BAIAP2: variants seen among roughly 807,000 people sequenced by gnomAD.
The protein encoded by BAIAP2 is BAR/IMD domain-containing adapter protein 2.
In BAIAP2, 18 loss-of-function variants were observed where a neutral mutation model predicts 63.0. The observed-to-expected ratio is 0.29, with a 90% CI of 0.20 to 0.42. The LOEUF (loss-of-function observed/expected upper bound fraction) is 0.42, where lower values mean the gene tolerates loss of function less well. BAIAP2 is among the 10% of genes least tolerant of loss of function. The probability of loss-of-function intolerance (pLI) is 1.00; values close to 1 mark genes in which losing one functional copy is unlikely to be tolerated. For missense variants in BAIAP2, 610 were observed against 734.3 expected, an observed-to-expected ratio of 0.83 and a Z score of 1.96; for synonymous variants, 386 against 307.6, an observed-to-expected ratio of 1.25 and a Z score of -2.67.
chr17:81,112,969 T>C (rs774598271), intron 13 of BAIAP2, among the ~76,000 whole-genome samples: 1 of 152,138 alleles, frequency 6.6e-6, no homozygotes, highest in Non-Finnish European at 1.5e-5. Flanking sequence ...GGTGGGAGGA[T>C]TGCTTGAGCC....
chr17:81,036,402 G>A (rs1417369661), intron 1 of BAIAP2, among the ~76,000 whole-genome samples: 3 of 152,242 alleles, frequency 2.0e-5, no homozygotes, highest in Admixed American at 6.5e-5. Context: ...ACCCTGCCCG[G>A]CAGAGTAACT....
In BAIAP2 at chr17:81,104,005, C is replaced by G. The variant is rs770418837; in HGVS notation, c.963C>G (p.Pro321=). 3.1e-6 allele frequency: 5 copies of G among 1,613,176 alleles called. No homozygotes were observed. Among genetic ancestry groups the G allele is most frequent in the Admixed American group, 1.7e-5 (1 of 60,026 alleles). The change falls in exon 9 of 14, where the codon CCC becomes CCG. Residue 321 remains proline (P), a synonymous_variant. Coordinates refer to ENST00000428708, the MANE Select transcript of BAIAP2 (RefSeq NM_001144888.2). ...GGGCTGACCGCAAGGCTGCCCAGCC[C>G]AAATCCCTGTCTCCTCCGCAGTCTC... The part of the protein sequence containing the change: ...SPWADRKAAQ[P]KSLSPPQSQS...
chr17:81,041,085 G>C (rs1300049015), intron 1 of BAIAP2, among the ~76,000 whole-genome samples: 2 of 152,348 alleles, frequency 1.3e-5, no homozygotes, highest in East Asian at 3.9e-4. Context: ...ATCTGCCCCT[G>C]GTCTTTTTGA....
At chr17:81,075,623 C>A (rs1055114702) in intron 3 of BAIAP2, among the ~76,000 whole-genome samples, 1 of 152,324 alleles carries the variant, frequency 6.6e-6, no homozygotes, top group Middle Eastern at 3.4e-3. Flanking sequence ...TCCTGAGTGA[C>A]CCTCTCCAAG....
chr17:81,086,872 A>G, intron 6 of BAIAP2: 1 of 315,326 alleles, frequency 3.2e-6, no homozygotes, highest in Admixed American at 4.7e-5. Flanking sequence ...TGTTCTCCCC[A>G]TCCCTGCCCG....
At position 81,116,738 on chromosome 17, in the gene BAIAP2, CTGTTTGTT is replaced by C. The variant is rs370558964; in HGVS notation, c.*908_*915del. ...ATTAGCAGATTTGTGCTCTTCCATA[CTGTTTGTT>C]TGTTTGTTAGGTGAAATACAGTGTG... On this transcript the variant is annotated 3_prime_UTR_variant, in exon 14 of 14. Transcript: ENST00000428708. 4.9e-6 allele frequency: 1 copy of C among 203,710 alleles called. No individual in the cohort carries two copies. The highest frequency in any genetic ancestry group is 2.3e-5 in the African/African-American group (1 of 43,846). The allele number at this position is 203,710 out of a possible 1,614,324, so 12.6% of individuals were successfully genotyped here. A position where few individuals can be genotyped will look rare whatever the true frequency, so the allele number is the denominator to read the frequency against.
At chr17:81,044,591 G>A (rs1411761616) in intron 1 of BAIAP2, among the ~76,000 whole-genome samples, 2 of 152,232 alleles carry the variant, frequency 1.3e-5, no homozygotes, top group Non-Finnish European at 2.9e-5. Flanking sequence ...TGCATCTTGG[G>A]AGGGGACACA....
chr17:81,079,586 T>C (rs1598671128), intron 3 of BAIAP2, among the ~76,000 whole-genome samples: 1 of 151,992 alleles, frequency 6.6e-6, no homozygotes, highest in South Asian at 2.1e-4. Flanking sequence ...CTGCCCAGAG[T>C]TGGCTGACCC....
At chr17:81,063,585 C>T (rs938629244) in intron 3 of BAIAP2, among the ~76,000 whole-genome samples, 13 of 152,308 alleles carry the variant, frequency 8.5e-5, no homozygotes, top group African/African-American at 3.1e-4. Context: ...GTCTCACTCC[C>T]CAGGCCGGGG....
intron 6 of BAIAP2, among the ~76,000 whole-genome samples, chr17:81,089,967 A>T (rs2056430658): frequency 6.6e-6 from 1 of 151,992 alleles, no homozygotes. Flanking sequence ...CCCTCCTGGG[A>T]GATGTGTGGT....
At chr17:81,071,854 G>T (rs1463429630) in intron 3 of BAIAP2, among the ~76,000 whole-genome samples, 1 of 152,264 alleles carries the variant, frequency 6.6e-6, no homozygotes, top group Admixed American at 6.5e-5. Flanking sequence ...GTAGGGCCTT[G>T]TGGGTGGCCG....
At chr17:81,043,413 C>T (rs886086458) in intron 1 of BAIAP2, among the ~76,000 whole-genome samples, 1 of 152,208 alleles carries the variant, frequency 6.6e-6, no homozygotes, top group Non-Finnish European at 1.5e-5. Flanking sequence ...TCCAGGGCCT[C>T]GGTGGCCCCA....
intron 9 of BAIAP2, 131 bp downstream of exon 9, chr17:81,104,239 C>A: frequency 3.8e-6 from 4 of 1,045,002 alleles, no homozygotes; most frequent in Non-Finnish European, 5.6e-6. Context: ...TGTGTACCTA[C>A]ATGCATGTGG....
At chr17:81,074,613 G>A (rs529808759) in intron 3 of BAIAP2, among the ~76,000 whole-genome samples, 6 of 149,326 alleles carry the variant, frequency 4.0e-5, no homozygotes, top group Non-Finnish European at 8.9e-5. Context: ...GCACGGATGC[G>A]TGAGTGCCTG....
chr17:81,090,167 G>A (rs2056462047), intron 6 of BAIAP2, among the ~76,000 whole-genome samples: 1 of 152,164 alleles, frequency 6.6e-6, no homozygotes, highest in African/African-American at 2.4e-5. Flanking sequence ...CTTGGATCTG[G>A]CTCTGTCCCT....
At chr17:81,089,878 C>T (rs1568147041) in intron 6 of BAIAP2, among the ~76,000 whole-genome samples, 1 of 152,128 alleles carries the variant, frequency 6.6e-6, no homozygotes, top group East Asian at 1.9e-4. Context: ...TGAGGGTGGC[C>T]CAGCAGCCCC....
chr17:81,109,546 G>GC, intron 13 of BAIAP2: 1 of 985,298 alleles, frequency 1.0e-6, no homozygotes, highest in Non-Finnish European at 1.2e-6. Flanking sequence ...GTCCCTGGCC[G>GC]CCCCGGCCCC....
intron 1 of BAIAP2, chr17:81,036,970 A>T: frequency 1.3e-6 from 2 of 1,535,430 alleles, no homozygotes; most frequent in South Asian, 2.4e-5. Context: ...GGGTGAGTAC[A>T]TGGAGTGGTT....
rs181970587 is a variant in BAIAP2, at chr17:81,088,838, A to C, written c.489+2258A>C. Among the ~76,000 whole-genome samples, 5 of 152,314 alleles carry C rather than the reference A, an allele frequency of 3.3e-5. No individual in the cohort carries two copies. The East Asian group carries it at 9.7e-4, about 29-fold the overall frequency. On this transcript the variant is annotated intron_variant, in intron 6 of 13. Transcript: ENST00000428708. ...TGTGGCTGAGCTCGCTGGGAGCTGG[A>C]GATCGCGGCGGGGTAGCATAGGGCC...
Sources: allele counts gnomAD v4.1 joint callset (sites outside exome capture counted in the v4.1 genomes callset), GRCh38; gene constraint gnomAD v4.1.1; transcripts MANE v1.5; gene names NCBI Gene and HGNC (gene_info 2026-07-23, HGNC 2026-07-21).